CFAP46: variants seen among roughly 807,000 people sequenced by gnomAD.
CFAP46 encodes cilia and flagella associated protein 46.
CFAP46 carries 245 observed loss-of-function variants against 325.7 expected under a neutral mutation model. That is an observed-to-expected ratio of 0.75 (90% CI 0.68 to 0.84). The LOEUF is 0.84. Ranked by LOEUF, CFAP46 falls within the 40% of genes least tolerant of loss-of-function variation. CFAP46 has a pLI of 0.00. For synonymous variants in CFAP46, 1,523 were observed against 1,495.9 expected, an observed-to-expected ratio of 1.02 and a Z score of -0.42; for missense variants, 3,346 against 3,543.0, an observed-to-expected ratio of 0.94 and a Z score of 1.41.
chr10:132,932,454 C>T (rs1849926715), intron 8 of CFAP46, among the ~76,000 whole-genome samples: 1 of 151,794 alleles, frequency 6.6e-6, no homozygotes. Flanking sequence ...GGCCTCCCCA[C>T]ACTCCTCACA....
chr10:132,867,875 C>T (rs1270524659), intron 33 of CFAP46, among the ~76,000 whole-genome samples: 6 of 152,340 alleles, frequency 3.9e-5, no homozygotes, highest in Middle Eastern at 3.4e-3. Flanking sequence ...TCCTGCTCCC[C>T]GCTCGGCCTT....
At chr10:132,837,596 CGCACGG>C (rs1848277863) in intron 44 of CFAP46, among the ~76,000 whole-genome samples, 2 of 103,468 alleles carry the variant, frequency 1.9e-5, no homozygotes, top group East Asian at 2.3e-4. Context: ...TACACAGATG[CGCACGG>C]ACACACGCAC....
At chr10:132,912,274 TCTCCTCTCTC>T (rs1314090523) in intron 19 of CFAP46, among the ~76,000 whole-genome samples, 3 of 85,600 alleles carry the variant, frequency 3.5e-5, no homozygotes, top group Non-Finnish European at 7.2e-5. Flanking sequence ...TCCTCTCTCT[TCTCCTCTCTC>T]CTCCTCTCTC....
At chr10:132,941,415 A>G (rs1486515916) in intron 3 of CFAP46, among the ~76,000 whole-genome samples, 176 bp downstream of exon 3, 1 of 152,202 alleles carries the variant, frequency 6.6e-6, no homozygotes, top group East Asian at 1.9e-4. Flanking sequence ...GTCAGATATC[A>G]CCACTTGAGC....
In CFAP46 at chr10:132,876,516, G is replaced by A. The variant is rs573744929; in HGVS notation, c.4362+296C>T. Among the ~76,000 whole-genome samples, 5 of 152,334 alleles carry A rather than the reference G, an allele frequency of 3.3e-5. No individual in the cohort carries two copies. The highest frequency in any genetic ancestry group is 1.2e-4 in the African/African-American group (5 of 41,584). ...CTTCCGGCCTCCAGAACCATGAGGG[G>A]ATCAATTTCTGTTGTTTTAACCATG... On this transcript the variant is annotated intron_variant, in intron 31 of 57. Coordinates refer to ENST00000368586, the MANE Select transcript of CFAP46 (RefSeq NM_001200049.3). The surrounding 1 kb of genome is among the most constrained non-coding windows in gnomAD (Gnocchi z 4.1).
intron 6 of CFAP46, 60 bp downstream of exon 6, chr10:132,937,492 T>C (rs764734790): frequency 4.4e-6 from 7 of 1,604,954 alleles, no homozygotes; most frequent in Non-Finnish European, 6.0e-6. Flanking sequence ...CGCAGTTTTC[T>C]GAACAATGAC....
rs374714433 is a variant in CFAP46, at chr10:132,934,938, G to A, written c.756-76C>T. 68 of 955,830 alleles carry A rather than the reference G, an allele frequency of 7.1e-5. No individual in the cohort carries two copies. The African/African-American group carries it at 7.4e-4, about 10-fold the overall frequency. 59.2% of individuals were successfully genotyped at this position (955,830 alleles called of 1,614,324 possible). A position where few individuals can be genotyped will look rare whatever the true frequency, so the allele number is the denominator to read the frequency against. ...CAAATTCTTCTAAGAGAAACTCTGC[G>A]TGTATGAAATTGTGTTTCTCACTGA... On this transcript the variant is annotated intron_variant, in intron 7 of 57. Coordinates refer to ENST00000368586, the MANE Select transcript of CFAP46 (RefSeq NM_001200049.3).
At position 132,879,474 on chromosome 10, in the gene CFAP46, G is replaced by A. The variant is rs1466847546; in HGVS notation, c.3957C>T (p.Tyr1319=). Residue 1319 remains tyrosine, a synonymous_variant, in exon 29 of 58, where the codon TAC becomes TAT. Coordinates refer to ENST00000368586, the MANE Select transcript of CFAP46 (RefSeq NM_001200049.3). ...ALVLSPGAEG[Y]EDCCLAAYAF... The stretch of plus-strand genomic sequence containing the variant: ...CGTAGGCTGCAAGGCAGCAGTCCTC[G>A]TAGCCCTCGGCGCCCGGCGACAGCA... The A allele has an allele frequency of 5.8e-6, 9 of 1,546,030 alleles. No homozygotes were observed. The highest frequency in any genetic ancestry group is 3.9e-5 in the Admixed American group (2 of 50,728).
rs76578919 is a variant in CFAP46 at position 132,817,948 on chromosome 10, G to T, written c.7118-3034C>A. Among the ~76,000 whole-genome samples, 7,035 of 152,270 alleles carry T rather than the reference G, an allele frequency of 0.046. 223 individuals carry two copies. Among genetic ancestry groups the T allele is most frequent in the Non-Finnish European group, 0.066 (4,515 of 68,002 alleles). On this transcript the variant is annotated intron_variant, in intron 50 of 57. Coordinates refer to ENST00000368586, the MANE Select transcript of CFAP46 (RefSeq NM_001200049.3). This position sits in a 1 kb window ranked among gnomAD's most constrained non-coding sequence, Gnocchi z 4.4. The stretch of plus-strand genomic sequence containing the variant: ...CCTGGCCACGCCCTCCATCCTCACC[G>T]TCGGCAGCGCAGCCCCCAGGCTCCT...
chr10:132,842,016 A>G (rs1195003674), intron 44 of CFAP46, among the ~76,000 whole-genome samples: 2 of 152,240 alleles, frequency 1.3e-5, no homozygotes, highest in East Asian at 3.8e-4. Flanking sequence ...TGAACGGTCT[A>G]GAGCCTTGGC....
At chr10:132,846,440 G>A (rs1449405437) in intron 43 of CFAP46, among the ~76,000 whole-genome samples, 6 of 152,242 alleles carry the variant, frequency 3.9e-5, no homozygotes, top group Middle Eastern at 3.4e-3. Context: ...AGGTCTGCAC[G>A]GACAGGGCAC....
intron 35 of CFAP46, among the ~76,000 whole-genome samples, chr10:132,863,494 C>A (rs959675600): frequency 1.3e-5 from 2 of 152,106 alleles, no homozygotes; most frequent in Admixed American, 1.3e-4. Flanking sequence ...CCCGTCTCTG[C>A]TATCAGAGAC....
chr10:132,833,954 G>C (rs889507270), intron 49 of CFAP46, 87 bp downstream of exon 49: 2 of 1,292,254 alleles, frequency 1.5e-6, no homozygotes, highest in African/African-American at 1.5e-5. Flanking sequence ...CCCCCCTGGC[G>C]TTCCCGGATG....
At chr10:132,895,885 C>G (rs934203331) in intron 24 of CFAP46, among the ~76,000 whole-genome samples, 2 of 151,654 alleles carry the variant, frequency 1.3e-5, no homozygotes, top group Admixed American at 6.6e-5. Context: ...AGAGCTTGCT[C>G]TCTCCTTCTG....
At chr10:132,823,159 GA>G (rs1185203103) in intron 50 of CFAP46, among the ~76,000 whole-genome samples, 5 of 125,516 alleles carry the variant, frequency 4.0e-5, no homozygotes, top group South Asian at 3.0e-4. Flanking sequence ...TGTGCTGTGT[GA>G]GTGATGTGTG....
At chr10:132,840,598 G>A (rs970399302) in intron 44 of CFAP46, among the ~76,000 whole-genome samples, 4 of 152,174 alleles carry the variant, frequency 2.6e-5, no homozygotes, top group Non-Finnish European at 4.4e-5. Flanking sequence ...GCTAAGTCAC[G>A]TAAGTTTTTA....
Position 132,809,017 on chromosome 10 carries a change from TG to T in CFAP46, c.7665-114del, listed in dbSNP as rs1397393138. On this transcript the variant is annotated intron_variant, in intron 57 of 57. Transcript: ENST00000368586. The stretch of plus-strand genomic sequence containing the variant: ...GCAGCTGCTCCAACTGAGGGCGCTC[TG>T]GGGAACACACTGCCATTCGCCAGGC... 2.8e-6 allele frequency: 3 copies of T among 1,081,718 alleles called. No individual in the cohort carries two copies. In the African/African-American group the frequency reaches 4.8e-5, roughly 17 times the overall value. The allele number at this position is 1,081,718 out of a possible 1,614,324, so 67.0% of individuals were successfully genotyped here. A position where few individuals can be genotyped will look rare whatever the true frequency, so the allele number is the denominator to read the frequency against.
In CFAP46 at chr10:132,846,220, G is replaced by A. The variant is rs369523699; in HGVS notation, c.6275C>T (p.Ser2092Leu). ...GACATCCCTCATCGTCTCTGAGGCC[G>A]AGCAGCTCTGAAAGGGAGCAGGGGA... is the stretch of plus-strand genomic sequence containing the variant. ...CQFLALSQSC[S>L]ASETMRDVLL... The change falls in exon 44 of 58, where the codon TCG becomes TTG. Residue 2092 changes from serine to leucine, a missense_variant. Ser to Leu is a moderately radical substitution (Grantham distance 145, BLOSUM62 -2). Transcript: ENST00000368586. 1.6e-5 allele frequency: 26 copies of A among 1,611,292 alleles called. No individual in the cohort carries two copies. Among genetic ancestry groups the A allele is most frequent in the Middle Eastern group, 3.5e-4 (2 of 5,684 alleles).
chr10:132,929,926 A>G (rs1849867686), intron 8 of CFAP46, 122 bp from the exon 9 acceptor site: 1 of 728,248 alleles, frequency 1.4e-6, no homozygotes, highest in South Asian at 1.9e-5. Flanking sequence ...TAAGAAATAA[A>G]TAAAATTAAG....
Sources: gnomAD v4.1 joint callset for allele counts (sites outside exome capture counted in the v4.1 genomes callset) on GRCh38, gnomAD v4.1.1 for gene constraint, Gnocchi (gnomAD v3.1) non-coding constraint, MANE v1.5 for transcripts, NCBI Gene and HGNC (gene_info 2026-07-23, HGNC 2026-07-21) for gene names.